Variants in RUFY3 observed in about 807,000 individuals in gnomAD.
The protein encoded by RUFY3 is protein RUFY3.
A neutral mutation model predicts 84.0 loss-of-function variants in RUFY3; 34 were observed. The ratio of observed to expected loss-of-function variants is 0.40; its 90% CI spans 0.31 to 0.54. The LOEUF is 0.54. Ranked by LOEUF, RUFY3 falls within the 20% of genes least tolerant of loss-of-function variation. The pLI is 0.39. For synonymous variants in RUFY3, 242 were observed against 252.9 expected, an observed-to-expected ratio of 0.96 and a Z score of 0.41; for missense variants, 507 against 736.8, an observed-to-expected ratio of 0.69 and a Z score of 3.61.
At chr4:70,718,018 G>A (rs890006266), upstream of RUFY3, among the ~76,000 whole-genome samples, 1 of 151,600 alleles carries the variant, frequency 6.6e-6, no homozygotes, top group Non-Finnish European at 1.5e-5. Flanking sequence ...GAGTAGCTGG[G>A]ATTACAGGCA....
intron 1 of RUFY3, among the ~76,000 whole-genome samples, chr4:70,709,694 C>T (rs1356103669): frequency 2.0e-5 from 3 of 152,218 alleles, no homozygotes; most frequent in African/African-American, 7.2e-5. Context: ...CAAAAGATGG[C>T]TTCCCTTTAG....
At chr4:70,792,296 T>G (rs970409561) in intron 12 of RUFY3, 22 of 981,376 alleles carry the variant, frequency 2.2e-5, no homozygotes, top group Non-Finnish European at 2.5e-5. Flanking sequence ...GGGGATTTGC[T>G]AAAGGTTCTG....
chr4:70,737,574 T>C (rs1161117310), intron 1 of RUFY3, among the ~76,000 whole-genome samples: 1 of 152,052 alleles, frequency 6.6e-6, no homozygotes, highest in African/African-American at 2.4e-5. Context: ...CCTCATCCGC[T>C]CACCCCCCAT....
intron 1 of RUFY3, among the ~76,000 whole-genome samples, chr4:70,760,663 G>A (rs894483346): frequency 3.9e-5 from 6 of 152,038 alleles, no homozygotes; most frequent in Admixed American, 3.9e-4. Context: ...CTGTCTTTCA[G>A]GGCATAGTTT....
At chr4:70,798,952 C>A (rs1731873489) in intron 14 of RUFY3, among the ~76,000 whole-genome samples, 1 of 150,402 alleles carries the variant, frequency 6.6e-6, no homozygotes, top group Non-Finnish European at 1.5e-5. Context: ...GAGTTCAAGA[C>A]CATCCTGGCC....
intron 4 of RUFY3, 132 bp downstream of exon 4, chr4:70,764,708 C>T: frequency 1.7e-6 from 1 of 599,634 alleles, no homozygotes; most frequent in Non-Finnish European, 2.9e-6. Context: ...TACTTTCTCT[C>T]ATACCTCACA....
At chr4:70,722,801 T>C (rs754696017) in intron 1 of RUFY3, 50 bp downstream of exon 1, 7 of 1,568,248 alleles carry the variant, frequency 4.5e-6, no homozygotes, top group East Asian at 2.3e-5. Flanking sequence ...CTCATTGTTA[T>C]GGGGGAGGGC....
At chr4:70,753,473 G>A (rs535472789) in intron 1 of RUFY3, among the ~76,000 whole-genome samples, 2 of 152,252 alleles carry the variant, frequency 1.3e-5, no homozygotes, top group South Asian at 2.1e-4. Flanking sequence ...GAAGCCAACT[G>A]TGAAATCATG....
chr4:70,780,709 G>A (rs1286466553), intron 8 of RUFY3, among the ~76,000 whole-genome samples: 1 of 152,170 alleles, frequency 6.6e-6, no homozygotes, highest in Non-Finnish European at 1.5e-5. Context: ...TGAATGAAAT[G>A]ATTTAATACA....
intron 4 of RUFY3, among the ~76,000 whole-genome samples, chr4:70,764,907 C>T (rs1056853395): frequency 6.6e-6 from 1 of 152,016 alleles, no homozygotes; most frequent in African/African-American, 2.4e-5. Context: ...CAAAATTGGA[C>T]GGGTGCAGTG....
intron 1 of RUFY3, among the ~76,000 whole-genome samples, chr4:70,747,513 C>A (rs1024513070): frequency 4.8e-5 from 7 of 146,106 alleles, no homozygotes; most frequent in African/African-American, 1.3e-4. Flanking sequence ...AAAAAAAAAA[C>A]AAATTCCTGA....
At chr4:70,797,648 G>A (rs1731698866) in intron 14 of RUFY3, among the ~76,000 whole-genome samples, 1 of 151,884 alleles carries the variant, frequency 6.6e-6, no homozygotes, top group South Asian at 2.1e-4. Context: ...TTCAAGACCA[G>A]CCTGGACAAC....
chr4:70,730,402 A>T (rs1719038800), intron 1 of RUFY3, among the ~76,000 whole-genome samples: 1 of 152,064 alleles, frequency 6.6e-6, no homozygotes, highest in South Asian at 2.1e-4. Flanking sequence ...TTTTACAACA[A>T]CCTTTTGAGC....
intron 4 of RUFY3, 59 bp downstream of exon 4, chr4:70,764,635 C>A: frequency 2.0e-6 from 2 of 994,466 alleles, no homozygotes; most frequent in South Asian, 2.9e-5. Context: ...CGTATAAAGT[C>A]AAACCATATA....
At chr4:70,795,137 A>G (rs896660838) in intron 14 of RUFY3, among the ~76,000 whole-genome samples, 3 of 152,148 alleles carry the variant, frequency 2.0e-5, no homozygotes, top group Non-Finnish European at 2.9e-5. Flanking sequence ...CAGTGACCCT[A>G]TTTCCCTTTT....
At chr4:70,736,387 C>T (rs546137456) in intron 1 of RUFY3, among the ~76,000 whole-genome samples, 1 of 152,182 alleles carries the variant, frequency 6.6e-6, no homozygotes, top group South Asian at 2.1e-4. Flanking sequence ...AATGTATACA[C>T]TTTTTCAATG....
chr4:70,761,668 T>C (rs184845704), intron 1 of RUFY3, among the ~76,000 whole-genome samples: 1 of 152,322 alleles, frequency 6.6e-6, no homozygotes, highest in East Asian at 1.9e-4. Context: ...TACAATAAAA[T>C]GTGTCACTTA....
intron 1 of RUFY3, among the ~76,000 whole-genome samples, chr4:70,714,515 A>G (rs1560437339): frequency 6.6e-6 from 1 of 152,214 alleles, no homozygotes; most frequent in East Asian, 1.9e-4. Flanking sequence ...TGTTATGTAC[A>G]TGTAATGAAG....
At chr4:70,715,842 A>G (rs1741518274) in intron 1 of RUFY3, among the ~76,000 whole-genome samples, 1 of 152,046 alleles carries the variant, frequency 6.6e-6, no homozygotes, top group African/African-American at 2.4e-5. Flanking sequence ...GACCAGGCAC[A>G]GTGGCCAATG....
Sources: gnomAD v4.1 joint callset for allele counts (sites outside exome capture counted in the v4.1 genomes callset) on GRCh38, gnomAD v4.1.1 for gene constraint, MANE v1.5 for transcripts, NCBI Gene and HGNC (gene_info 2026-07-23, HGNC 2026-07-21) for gene names.